The following MEIOSIN variants were observed in gnomAD, a reference collection of about 807,000 sequenced individuals.
The protein encoded by MEIOSIN is meiosis initiator protein.
MEIOSIN carries 18 observed loss-of-function variants against 23.4 expected under a neutral mutation model. The observed-to-expected ratio is 0.77, with a 90% confidence interval of 0.53 to 1.14. The LOEUF is 1.14. Among genes scored for constraint, MEIOSIN ranks in the 50% most tolerant of loss-of-function variants. The probability of loss-of-function intolerance (pLI) is 0.00; values close to 1 mark genes in which losing one functional copy is unlikely to be tolerated. For missense variants in MEIOSIN, 428 were observed against 242.9 expected, an observed-to-expected ratio of 1.76 and a Z score of -5.07; for synonymous variants, 187 against 100.6, an observed-to-expected ratio of 1.86 and a Z score of -5.14.
chr19:45,739,957 C>T (rs1397464505), intron 3 of MEIOSIN, among the ~76,000 whole-genome samples: 1 of 152,032 alleles, frequency 6.6e-6, no homozygotes, highest in Admixed American at 6.6e-5. Context: ...AAGTGATTCT[C>T]CTGCCTCAAC....
At chr19:45,757,094 C>A in intron 8 of MEIOSIN, 83 bp from the exon 9 acceptor site, 1 of 666,248 alleles carries the variant, frequency 1.5e-6, no homozygotes, top group Admixed American at 2.1e-5. Context: ...CCCCCAGGGG[C>A]CAGTGCAGAG....
At chr19:45,742,650 G>C (rs974476465) in intron 3 of MEIOSIN, among the ~76,000 whole-genome samples, 1 of 151,822 alleles carries the variant, frequency 6.6e-6, no homozygotes. Flanking sequence ...GTGGTGTCAG[G>C]CACCTGTAGT....
At chr19:45,757,018 C>T (rs1037899942) in intron 8 of MEIOSIN, among the ~76,000 whole-genome samples, 159 bp from the exon 9 acceptor site, 8 of 152,158 alleles carry the variant, frequency 5.3e-5, no homozygotes, top group African/African-American at 1.2e-4. Context: ...CTGGGCTATC[C>T]TCATGAGACT....
intron 11 of MEIOSIN, among the ~76,000 whole-genome samples, chr19:45,761,423 A>AT (rs35838022): frequency 0.015 from 870 of 59,868 alleles, 94 homozygotes; most frequent in East Asian, 0.03. Flanking sequence ...CGCCTGGCCT[A>AT]TTTTTTTTTT....
chr19:45,764,473 C>T lies in MEIOSIN; in HGVS notation c.*355C>T. 1 of 236,560 alleles carries T rather than the reference C, an allele frequency of 4.2e-6. No homozygotes were observed. Among genetic ancestry groups the T allele is most frequent in the Middle Eastern group, 1.3e-3 (1 of 776 alleles). The allele number at this position is 236,560 out of a possible 1,614,324, so 14.7% of individuals were successfully genotyped here. A position where few individuals can be genotyped will look rare whatever the true frequency, so the allele number is the denominator to read the frequency against. On this transcript the variant is annotated 3_prime_UTR_variant, in exon 15 of 15. Coordinates refer to ENST00000457052, the MANE Select transcript of MEIOSIN (RefSeq NM_001310124.2). ...CTCACCTCACCCTACTCCTCCCTCT[C>T]CTGTTCTATTTTTAGACTATTTATT...
At chr19:45,751,598 G>A (rs936982980) in intron 5 of MEIOSIN, among the ~76,000 whole-genome samples, 1 of 151,820 alleles carries the variant, frequency 6.6e-6, no homozygotes, top group African/African-American at 2.4e-5. Context: ...GCAGTGGCGT[G>A]ATCTCTGCTC....
chr19:45,747,555 G>T (rs1045612871), intron 4 of MEIOSIN, among the ~76,000 whole-genome samples: 10 of 152,338 alleles, frequency 6.6e-5, no homozygotes, highest in Non-Finnish European at 1.5e-4. Flanking sequence ...ACAGGGCCTA[G>T]CAAGAGCAGA....
intron 3 of MEIOSIN, among the ~76,000 whole-genome samples, chr19:45,743,145 A>T (rs995838593): frequency 1.3e-5 from 2 of 152,162 alleles, no homozygotes; most frequent in African/African-American, 4.8e-5. Context: ...TGGGATTCCC[A>T]TCCACTCAGT....
chr19:45,743,790 G>A (rs1265538291), intron 3 of MEIOSIN, among the ~76,000 whole-genome samples: 1 of 152,112 alleles, frequency 6.6e-6, no homozygotes, highest in Non-Finnish European at 1.5e-5. Flanking sequence ...CCAAAGTGCT[G>A]GGATTACAGG....
chr19:45,751,272 A>AAATAATAATAATAATAAT (rs145142679), intron 5 of MEIOSIN, among the ~76,000 whole-genome samples: 15 of 136,430 alleles, frequency 1.1e-4, no homozygotes, highest in African/African-American at 2.2e-4. Flanking sequence ...ACTGTGTCTC[A>AAATAATAATAATAATAAT]AATAATAATA....
intron 2 of MEIOSIN, among the ~76,000 whole-genome samples, chr19:45,738,326 T>C (rs977262706): frequency 6.6e-6 from 1 of 152,198 alleles, no homozygotes; most frequent in African/African-American, 2.4e-5. Flanking sequence ...GAAAATATTG[T>C]ATGTCAAAAA....
intron 9 of MEIOSIN, among the ~76,000 whole-genome samples, 160 bp downstream of exon 9, chr19:45,757,437 C>A (rs568706539): frequency 6.6e-6 from 1 of 152,156 alleles, no homozygotes. Flanking sequence ...TCTCCGCCAC[C>A]GCTGCCACGG....
rs1555784557 is a variant in MEIOSIN, at chr19:45,761,827, C to CCAGCTT, written c.1394_1395insCAGCTT (p.Ser465_Glu466insSerLeu). The CCAGCTT allele has an allele frequency of 3.4e-5, 24 of 698,154 alleles. No homozygotes were observed. Among genetic ancestry groups the CCAGCTT allele is most frequent in the Non-Finnish European group, 3.7e-5 (14 of 380,842 alleles). 43.2% of individuals were successfully genotyped at this position (698,154 alleles called of 1,614,324 possible). A position where few individuals can be genotyped will look rare whatever the true frequency, so the allele number is the denominator to read the frequency against. On this transcript the variant is annotated inframe_insertion, in exon 12 of 15. Transcript: ENST00000457052. The stretch of plus-strand genomic sequence containing the variant: ...TCCAGCTCCAGCTCCAGCTCCAGCT[C>CCAGCTT]GGAGGACAGCGACTCGGAGCCCCTG...
intron 3 of MEIOSIN, among the ~76,000 whole-genome samples, chr19:45,742,142 C>T (rs1196968463): frequency 6.6e-6 from 1 of 151,878 alleles, no homozygotes; most frequent in Non-Finnish European, 1.5e-5. Flanking sequence ...TCCCAAAGTG[C>T]TGGGATTACA....
Position 45,739,522 on chromosome 19 carries a change from T to G in MEIOSIN, c.72-104T>G, listed in dbSNP as rs1968463989. The stretch of plus-strand genomic sequence containing the variant: ...AGGTCTATATCTTGCCAACTCCATA[T>G]ACCCAGAAGAGAAAACATCTTTCTA... On this transcript the variant is annotated intron_variant, in intron 2 of 14. Coordinates refer to ENST00000457052, the MANE Select transcript of MEIOSIN (RefSeq NM_001310124.2). 2.4e-5 allele frequency: 16 copies of G among 675,974 alleles called. No homozygotes were observed. The South Asian group carries it at 2.5e-4, about 11-fold the overall frequency. The allele number at this position is 675,974 out of a possible 1,614,324, so 41.9% of individuals were successfully genotyped here. A position where few individuals can be genotyped will look rare whatever the true frequency, so the allele number is the denominator to read the frequency against.
intron 5 of MEIOSIN, among the ~76,000 whole-genome samples, chr19:45,751,272 A>AAATAATAATAATAATAATAAT (rs145142679): frequency 2.2e-5 from 3 of 136,430 alleles, no homozygotes; most frequent in Non-Finnish European, 3.1e-5. Context: ...ACTGTGTCTC[A>AAATAATAATAATAATAATAAT]AATAATAATA....
Position 45,735,450 on chromosome 19 carries a change from A to G in MEIOSIN, c.71+3A>G, listed in dbSNP as rs1461088560. The G allele has an allele frequency of 1.4e-6, 1 of 702,020 alleles. No individual in the cohort carries two copies. Among genetic ancestry groups the G allele is most frequent in the Non-Finnish European group, 2.6e-6 (1 of 384,518 alleles). The allele number at this position is 702,020 out of a possible 1,614,324, so 43.5% of individuals were successfully genotyped here. ...AATTCACTGGGTCCCAGTGACAGGTAAGGGCTTGCCCCATCTCCCTTATAG... is the reference window on the plus strand; with the variant it reads ...AATTCACTGGGTCCCAGTGACAGGTGAGGGCTTGCCCCATCTCCCTTATAG... On this transcript the variant is annotated splice_donor_region_variant and intron_variant, in intron 2 of 14. Coordinates refer to ENST00000457052, the MANE Select transcript of MEIOSIN (RefSeq NM_001310124.2).
intron 2 of MEIOSIN, among the ~76,000 whole-genome samples, chr19:45,737,232 T>C (rs1968423343): frequency 6.6e-6 from 1 of 151,464 alleles, no homozygotes; most frequent in Admixed American, 6.6e-5. Context: ...GAATGTGGAA[T>C]GCAGTGGTGC....
At chr19:45,743,463 A>T (rs1342291550) in intron 3 of MEIOSIN, among the ~76,000 whole-genome samples, 2 of 152,066 alleles carry the variant, frequency 1.3e-5, no homozygotes, top group Non-Finnish European at 2.9e-5. Context: ...TAGAACCCCA[A>T]CACCCCCTTG....
Sources: allele counts gnomAD v4.1 joint callset (sites outside exome capture counted in the v4.1 genomes callset), GRCh38; gene constraint gnomAD v4.1.1; transcripts MANE v1.5; gene names NCBI Gene and HGNC (gene_info 2026-07-23, HGNC 2026-07-21).